Variants in ALDH5A1 observed in about 807,000 individuals in gnomAD.
ALDH5A1 encodes the protein aldehyde dehydrogenase 5 family member A1, also known as succinate-semialdehyde dehydrogenase, mitochondrial.
In ALDH5A1, 33 loss-of-function variants were observed where a neutral mutation model predicts 54.7. The ratio of observed to expected loss-of-function variants is 0.60; its 90% CI spans 0.46 to 0.81. The LOEUF is 0.81. ALDH5A1 is among the 30% of genes least tolerant of loss of function. ALDH5A1 has a pLI of 0.00. For missense variants in ALDH5A1, 657 were observed against 711.0 expected, an observed-to-expected ratio of 0.92 and a Z score of 0.86; for synonymous variants, 294 against 292.7, an observed-to-expected ratio of 1.00 and a Z score of -0.05.
chr6:24,520,493 G>A lies in ALDH5A1; in HGVS notation c.963G>A (p.Val321=). The A allele has an allele frequency of 6.2e-7, 1 of 1,614,176 alleles. No homozygotes were observed. Among genetic ancestry groups the A allele is most frequent in the Non-Finnish European group, 8.5e-7 (1 of 1,180,028 alleles). ...APFIVFDSAN[V]DQAVAGAMAS... is the part of the protein sequence containing the mutation. ...TTATAGTATTTGACAGTGCCAACGTGGACCAGGCTGTAGCAGGGGCCATGG... is the reference window on the plus strand; with the variant it reads ...TTATAGTATTTGACAGTGCCAACGTAGACCAGGCTGTAGCAGGGGCCATGG... The change falls in exon 6 of 10, where the codon GTG becomes GTA. Residue 321 remains valine, a synonymous_variant. Coordinates refer to ENST00000357578, the MANE Select transcript of ALDH5A1 (RefSeq NM_001080.3).
At chr6:24,520,351 A>G (rs562151727) in intron 5 of ALDH5A1, 50 bp from the exon 6 acceptor site, 1 of 1,611,956 alleles carries the variant, frequency 6.2e-7, no homozygotes, top group South Asian at 1.1e-5. Context: ...AGGCTTAACA[A>G]TCCTGGTAAT....
intron 6 of ALDH5A1, among the ~76,000 whole-genome samples, chr6:24,521,355 T>C (rs1265837968): frequency 6.6e-6 from 1 of 152,252 alleles, no homozygotes; most frequent in East Asian, 1.9e-4. Flanking sequence ...CAGACGTCTT[T>C]GGGCCACAGT....
intron 1 of ALDH5A1, among the ~76,000 whole-genome samples, chr6:24,495,756 G>A (rs141757840): frequency 9.2e-5 from 14 of 152,344 alleles, no homozygotes; most frequent in Non-Finnish European, 1.6e-4. Flanking sequence ...GCTGCAGGGA[G>A]CCCACGCAGG....
In ALDH5A1 at chr6:24,522,932, A is replaced by G. The variant is rs1210819911; in HGVS notation, c.1173+7A>G. On this transcript the variant is annotated splice_region_variant and intron_variant, in intron 7 of 9. Coordinates refer to ENST00000357578, the MANE Select transcript of ALDH5A1 (RefSeq NM_001080.3). ...TGAAAAAGCGGTAGAAAAGGTAAGT[A>G]TATTGTATTATTTGTGAAAGTAAAT... is the stretch of plus-strand genomic sequence containing the variant. 2.6e-6 allele frequency: 4 copies of G among 1,550,202 alleles called. No individual in the cohort carries two copies. Among genetic ancestry groups the G allele is most frequent in the Non-Finnish European group, 3.5e-6 (4 of 1,139,754 alleles).
At position 24,504,979 on chromosome 6, in the gene ALDH5A1, G is replaced by A; in HGVS notation, c.720G>A (p.Leu240=). Reference sequence around the variant, plus strand: ...ACACGCCCTTCTCCGCCCTGGCCCTGGCTGAGGTGAGCCGCTCTCCCTGTG... The same window carrying A: ...ACACGCCCTTCTCCGCCCTGGCCCTAGCTGAGGTGAGCCGCTCTCCCTGTG... ...AEDTPFSALA[L]AELASQAGIP... is the part of the protein sequence containing the mutation. The change falls in exon 4 of 10, where the codon CTG becomes CTA. Residue 240 remains leucine (L), a synonymous_variant. Transcript: ENST00000357578. 1 of 1,614,112 alleles carries A rather than the reference G, an allele frequency of 6.2e-7. No individual in the cohort carries two copies. Among genetic ancestry groups the A allele is most frequent in the Non-Finnish European group, 8.5e-7 (1 of 1,179,950 alleles).
intron 1 of ALDH5A1, among the ~76,000 whole-genome samples, chr6:24,499,101 CAAAAAAAA>C (rs35062384): frequency 3.3e-5 from 3 of 91,258 alleles, no homozygotes; most frequent in Non-Finnish European, 2.2e-5. Context: ...GACTCTGTCT[CAAAAAAAA>C]AAAAAAAAAA....
intron 5 of ALDH5A1, among the ~76,000 whole-genome samples, chr6:24,519,825 T>C (rs770452642): frequency 4.0e-5 from 6 of 149,036 alleles, no homozygotes; most frequent in African/African-American, 1.5e-4. Context: ...TACTTTAAAA[T>C]GTTATCAGTG....
chr6:24,506,273 T>TTG lies in ALDH5A1; in HGVS notation c.726+1288_726+1289insTG, dbSNP rs1390825941. Among the ~76,000 whole-genome samples, 15 of 105,024 alleles carry TTG rather than the reference T, an allele frequency of 1.4e-4. 1 individual carries two copies. The highest frequency in any genetic ancestry group is 5.6e-4 in the East Asian group (2 of 3,596). 68.9% of individuals were successfully genotyped at this position (105,024 alleles called of 152,430 possible). On this transcript the variant is annotated intron_variant, in intron 4 of 9. Coordinates refer to ENST00000357578, the MANE Select transcript of ALDH5A1 (RefSeq NM_001080.3). ...TTTTTTTTTTTTTTTTTTTTTTTTT[T>TTG]GAGACAGTCTCGCTCTGTCACCCAG...
intron 8 of ALDH5A1, among the ~76,000 whole-genome samples, chr6:24,529,978 T>C (rs975025951): frequency 6.6e-6 from 1 of 152,232 alleles, no homozygotes; most frequent in Non-Finnish European, 1.5e-5. Context: ...AGCTCATTAA[T>C]ATCTAACAGG....
chr6:24,530,802 C>A (rs141660156), intron 8 of ALDH5A1, among the ~76,000 whole-genome samples: 134 of 152,346 alleles, frequency 8.8e-4, no homozygotes, highest in African/African-American at 1.3e-3. Context: ...CCAAGCCAGC[C>A]CTGCTGCTTT....
chr6:24,517,099 T>C (rs902220214), intron 5 of ALDH5A1, among the ~76,000 whole-genome samples: 1 of 152,114 alleles, frequency 6.6e-6, no homozygotes, highest in African/African-American at 2.4e-5. Context: ...CTCTGCTTCC[T>C]GGGTTCAAGT....
rs375086560 is a variant in ALDH5A1, at chr6:24,518,088, G to A, written c.871-2313G>A. Among the ~76,000 whole-genome samples, 52 of 152,348 alleles carry A rather than the reference G, an allele frequency of 3.4e-4. No individual in the cohort carries two copies. The highest frequency in any genetic ancestry group is 1.2e-3 in the African/African-American group (50 of 41,582). ...GACAAGTAGCCTGGCATAGAAGGGTGGGCTAGGTCAGGGCCTTTTCCTCTA... is the reference window on the plus strand; with the variant it reads ...GACAAGTAGCCTGGCATAGAAGGGTAGGCTAGGTCAGGGCCTTTTCCTCTA... On this transcript the variant is annotated intron_variant, in intron 5 of 9. Transcript: ENST00000357578. This position sits in a 1 kb window ranked among gnomAD's most constrained non-coding sequence, Gnocchi z 4.2.
chr6:24,511,342 CT>C (rs1217024000), intron 4 of ALDH5A1, among the ~76,000 whole-genome samples: 2 of 152,228 alleles, frequency 1.3e-5, no homozygotes, highest in East Asian at 3.9e-4. Context: ...GTTCTTTGTG[CT>C]TCTTGTATTT....
At position 24,504,968 on chromosome 6, in the gene ALDH5A1, G is replaced by A. The variant is rs62621664; in HGVS notation, c.709G>A (p.Ala237Thr). Residue 237 changes from alanine (A) to threonine (T), a missense_variant, in exon 4 of 10, where the codon GCC (alanine) becomes ACC (threonine). Transcript: ENST00000357578. ...VKPAEDTPFS[A>T]LALAELASQA... The stretch of plus-strand genomic sequence containing the variant: ...GCCTGCCGAAGACACGCCCTTCTCC[G>A]CCCTGGCCCTGGCTGAGGTGAGCCG... 3.5e-5 allele frequency: 57 copies of A among 1,613,988 alleles called. No homozygotes were observed. Among genetic ancestry groups the A allele is most frequent in the Non-Finnish European group, 4.5e-5 (53 of 1,180,004 alleles).
chr6:24,511,468 T>G (rs1433812401), intron 4 of ALDH5A1, among the ~76,000 whole-genome samples: 1 of 152,214 alleles, frequency 6.6e-6, no homozygotes. Flanking sequence ...ATTCTTAGGT[T>G]TGGTTGTTTA....
Position 24,503,285 on chromosome 6 carries a change from A to G in ALDH5A1, c.461A>G (p.His154Arg), listed in dbSNP as rs141686677. 5.0e-6 allele frequency: 8 copies of G among 1,614,078 alleles called. No individual in the cohort carries two copies. The African/African-American group carries it at 6.7e-5, about 13-fold the overall frequency. The stretch of plus-strand genomic sequence containing the variant: ...TAGGGAAAGCCACTGAAGGAGGCAC[A>G]TGGAGAAATTCTCTATTCCGCCTTT... ...AESGKPLKEA[H>R]GEILYSAFFL... is the part of the protein sequence containing the mutation. The change falls in exon 3 of 10, where the codon CAT becomes CGT. Residue 154 changes from histidine to arginine, a missense_variant. By Grantham distance (29) the His-to-Arg change is conservative (BLOSUM62 0). Transcript: ENST00000357578.
At position 24,496,853 on chromosome 6, in the gene ALDH5A1, T is replaced by G. The variant is rs75370430; in HGVS notation, c.354+1503T>G. On this transcript the variant is annotated intron_variant, in intron 1 of 9. Transcript: ENST00000357578. ...TAATTCCCTTTTTAAAGACCCTATT[T>G]CCAAATGCACTCACATTCTGAGATA... Among the ~76,000 whole-genome samples the G allele has an allele frequency of 3.4e-3, 522 of 152,210 alleles. 1 individual carries two copies. The highest frequency in any genetic ancestry group is 0.012 in the African/African-American group (491 of 41,538).
At chr6:24,505,440 C>G (rs187585296) in intron 4 of ALDH5A1, among the ~76,000 whole-genome samples, 2 of 152,280 alleles carry the variant, frequency 1.3e-5, no homozygotes, top group Admixed American at 6.5e-5. Flanking sequence ...TCCCACCCCC[C>G]CAGTATGTCT....
chr6:24,511,865 G>T (rs1025541510), intron 4 of ALDH5A1: 4 of 593,868 alleles, frequency 6.7e-6, no homozygotes, highest in Non-Finnish European at 1.2e-5. Flanking sequence ...TGGATCCATT[G>T]TTGGTGAGCT....
Sources: gnomAD v4.1 joint callset for allele counts (sites outside exome capture counted in the v4.1 genomes callset) on GRCh38, gnomAD v4.1.1 for gene constraint, Gnocchi (gnomAD v3.1) non-coding constraint, MANE v1.5 for transcripts, NCBI Gene and HGNC (gene_info 2026-07-23, HGNC 2026-07-21) for gene names.